Variants in COL5A1 observed in about 807,000 individuals in gnomAD.
COL5A1 encodes the protein collagen type V alpha 1 chain.
Under a neutral mutation model 263.7 loss-of-function variants are expected in COL5A1, and 16 were observed. The ratio of observed to expected loss-of-function variants is 0.06; its 90% CI spans 0.04 to 0.09. COL5A1 has a LOEUF of 0.09. COL5A1 is among the 10% of genes least tolerant of loss of function. The pLI is 1.00. For missense variants in COL5A1, 2,036 were observed against 2,540.5 expected (o/e 0.80, Z 4.27); for synonymous variants, 1,012 against 1,004.5 (o/e 1.01, Z -0.14).
intron 65 of COL5A1, among the ~76,000 whole-genome samples, chr9:134,837,893 A>T (rs1455932808): frequency 1.3e-5 from 2 of 152,196 alleles, no homozygotes; most frequent in Non-Finnish European, 2.9e-5. Flanking sequence ...TCCAGGTGTG[A>T]CAGAGCTGAG....
intron 59 of COL5A1, 199 bp from the exon 60 acceptor site, chr9:134,822,797 CCT>C: frequency 1.5e-6 from 1 of 680,856 alleles, no homozygotes; most frequent in East Asian, 2.7e-5. Flanking sequence ...GTAGGACCAC[CCT>C]GTGTCTCCAC....
rs568546088 is a variant in COL5A1 at position 134,703,062 on chromosome 9, G to A, written c.654+1729G>A. Among the ~76,000 whole-genome samples the A allele has an allele frequency of 2.0e-5, 3 of 152,376 alleles. No individual in the cohort carries two copies. In the East Asian group the frequency reaches 5.8e-4, roughly 29 times the overall value. On this transcript the variant is annotated intron_variant, in intron 4 of 65. Transcript: ENST00000371817. The stretch of plus-strand genomic sequence containing the variant: ...GCAGAGGAATGATCAGAGCAGCCAC[G>A]CTCTGTGGAATGAGATGGGCCTGTT...
chr9:134,707,737 G>A (rs1833887018), intron 4 of COL5A1, among the ~76,000 whole-genome samples: 1 of 152,246 alleles, frequency 6.6e-6, no homozygotes, highest in Non-Finnish European at 1.5e-5. Context: ...TTGCTCACTG[G>A]CTTGCTGACG....
intron 34 of COL5A1, among the ~76,000 whole-genome samples, chr9:134,795,841 C>T (rs1837886417): frequency 6.6e-6 from 1 of 152,248 alleles, no homozygotes; most frequent in Non-Finnish European, 1.5e-5. Context: ...GGATGCCACT[C>T]CAGAGCGGGT....
chr9:134,724,397 G>A (rs1469067266), intron 4 of COL5A1, among the ~76,000 whole-genome samples: 3 of 152,218 alleles, frequency 2.0e-5, no homozygotes, highest in Non-Finnish European at 2.9e-5. Flanking sequence ...GCCAGGCAAC[G>A]GCTGGAGCTG....
Position 134,785,016 on chromosome 9 carries a change from G to C in COL5A1, c.2512G>C (p.Gly838Arg). ...RGEIGPPGPRGEDGPEGPKGR... is the reference protein window; with the variant it reads ...RGEIGPPGPRREDGPEGPKGR... ...GGAGATCGGCCCACCCGGTCCCAGG[G>C]GAGAAGATGGCCCTGAAGGCCCAAA... The change falls in exon 30 of 66, where the codon GGA (glycine) becomes CGA (arginine). Residue 838 changes from glycine (G) to arginine (R), a missense_variant. Around this residue, in one of 3 missense-constraint regions of COL5A1, gnomAD observed 1,078 missense variants for 1,521.4 expected, o/e 0.71. Coordinates refer to ENST00000371817, the MANE Select transcript of COL5A1 (RefSeq NM_000093.5). 1 of 1,613,380 alleles carries C rather than the reference G, an allele frequency of 6.2e-7. No homozygotes were observed.
rs761805821 is a variant in COL5A1 at position 134,728,732 on chromosome 9, C to T, written c.849C>T (p.Pro283=). The part of the protein sequence containing the change: ...YYYEYPYYED[P]EDLGKEPTPS... ...ACGAATACCCCTACTACGAAGACCCCGAAGACCTAGGGAAGGAGCCCACCC... is the reference window on the plus strand; with the variant it reads ...ACGAATACCCCTACTACGAAGACCCTGAAGACCTAGGGAAGGAGCCCACCC... The change falls in exon 6 of 66, where the codon CCC becomes CCT. Residue 283 remains proline, a synonymous_variant. Coordinates refer to ENST00000371817, the MANE Select transcript of COL5A1 (RefSeq NM_000093.5). 32 of 1,614,040 alleles carry T rather than the reference C, an allele frequency of 2.0e-5. No individual in the cohort carries two copies. Among genetic ancestry groups the T allele is most frequent in the South Asian group, 4.4e-5 (4 of 91,090 alleles).
intron 25 of COL5A1, among the ~76,000 whole-genome samples, chr9:134,769,342 C>T (rs948032881): frequency 7.2e-5 from 11 of 152,096 alleles, no homozygotes; most frequent in African/African-American, 2.4e-4. Context: ...GGAGCCTTCT[C>T]ATCCCCACGC....
chr9:134,817,592 C>T (rs141963989), intron 53 of COL5A1, among the ~76,000 whole-genome samples, 186 bp from the exon 54 acceptor site: 48 of 152,182 alleles, frequency 3.2e-4, no homozygotes, highest in Admixed American at 5.2e-4. Context: ...GCGGGTGGCC[C>T]GGGAGCAGCC....
At chr9:134,824,385 T>A (rs1839164094) in intron 61 of COL5A1, among the ~76,000 whole-genome samples, 1 of 152,224 alleles carries the variant, frequency 6.6e-6, no homozygotes, top group Admixed American at 6.5e-5. Context: ...TGCTCCATGC[T>A]GGCAAGCACC....
chr9:134,829,750 C>T (rs189814408), intron 63 of COL5A1, among the ~76,000 whole-genome samples: 9 of 152,276 alleles, frequency 5.9e-5, no homozygotes, highest in Non-Finnish European at 1.0e-4. Context: ...GGCTCATCCC[C>T]CCAAGGACCT....
intron 4 of COL5A1, among the ~76,000 whole-genome samples, chr9:134,702,526 A>G (rs752395277): frequency 2.0e-5 from 3 of 152,076 alleles, no homozygotes; most frequent in African/African-American, 7.2e-5. Context: ...TGTTGACTCA[A>G]TCTTGGTGTT....
At chr9:134,810,541 G>C (rs1302396910) in intron 44 of COL5A1, 3 of 555,514 alleles carry the variant, frequency 5.4e-6, no homozygotes, top group Non-Finnish European at 9.6e-6. Context: ...CACCGGTTTT[G>C]CGAAATTAAA....
chr9:134,695,950 T>C (rs1296036987), intron 2 of COL5A1, among the ~76,000 whole-genome samples: 1 of 152,048 alleles, frequency 6.6e-6, no homozygotes, highest in Non-Finnish European at 1.5e-5. Flanking sequence ...TGAAATTCCT[T>C]CTGCAGGGCT....
At chr9:134,719,588 A>C (rs1224813675) in intron 4 of COL5A1, among the ~76,000 whole-genome samples, 1 of 152,228 alleles carries the variant, frequency 6.6e-6, no homozygotes, top group African/African-American at 2.4e-5. Flanking sequence ...AAACAGCACG[A>C]AGAGGACAGC....
chr9:134,786,101 C>G, intron 31 of COL5A1, 53 bp downstream of exon 31: 2 of 1,487,714 alleles, frequency 1.3e-6, no homozygotes, highest in African/African-American at 1.4e-5. Flanking sequence ...ATGTTCTGCC[C>G]GGTCTCCCCA....
rs1026069215 is a variant in COL5A1, at chr9:134,696,586, G to A, written c.278-3323G>A. ...TGTCCTTTGACTGTGTCACCCCAGC[G>A]CCTGGCACCAATCACTGTTTATTAG... On this transcript the variant is annotated intron_variant, in intron 2 of 65. Coordinates refer to ENST00000371817, the MANE Select transcript of COL5A1 (RefSeq NM_000093.5). This position sits in a 1 kb window ranked among gnomAD's most constrained non-coding sequence, Gnocchi z 4.3. Among the ~76,000 whole-genome samples, 7 of 152,292 alleles carry A rather than the reference G, an allele frequency of 4.6e-5. No individual in the cohort carries two copies. The highest frequency in any genetic ancestry group is 3.9e-4 in the East Asian group (2 of 5,188).
chr9:134,690,534 G>A (rs910082599), intron 1 of COL5A1, among the ~76,000 whole-genome samples: 10 of 152,328 alleles, frequency 6.6e-5, no homozygotes, highest in African/African-American at 2.2e-4. Flanking sequence ...AGGTGTCTGG[G>A]AGGCTGGGTG....
Position 134,701,916 on chromosome 9 carries a change from C to T in COL5A1, c.654+583C>T, listed in dbSNP as rs371168307. On this transcript the variant is annotated intron_variant, in intron 4 of 65. Transcript: ENST00000371817. ...GGGACCCTCACTTCAGCCCATGGAG[C>T]CCTTCATAGGTTGGGGTTCTGCGTG... is the stretch of plus-strand genomic sequence containing the variant. 3.3e-5 allele frequency among the ~76,000 whole-genome samples: 5 copies of T among 152,314 alleles called. No individual in the cohort carries two copies. The East Asian group carries it at 5.8e-4, about 18-fold the overall frequency.
Sources: allele counts gnomAD v4.1 joint callset (sites outside exome capture counted in the v4.1 genomes callset), GRCh38; gene constraint gnomAD v4.1.1; regional missense constraint gnomAD v4.1.1; non-coding constraint Gnocchi (gnomAD v3.1); transcripts MANE v1.5; gene names NCBI Gene and HGNC (gene_info 2026-07-23, HGNC 2026-07-21).